MUC17: variants seen among roughly 807,000 people sequenced by gnomAD.
MUC17 encodes mucin-17.
In MUC17, 190 loss-of-function variants were observed where a neutral mutation model predicts 170.3. That is an observed-to-expected ratio of 1.12 (90% CI 0.99 to 1.26). The LOEUF (loss-of-function observed/expected upper bound fraction) is 1.26, where lower values mean the gene tolerates loss of function less well. Among genes scored for constraint, MUC17 ranks in the 50% most tolerant of loss-of-function variants. The pLI is 0.00. For synonymous variants in MUC17, 2,325 were observed against 2,002.5 expected (o/e 1.16, Z -4.30); for missense variants, 6,415 against 5,530.0 (o/e 1.16, Z -5.08).
chr7:101,023,413 T>A (rs12671641), intron 1 of MUC17, among the ~76,000 whole-genome samples: 1 of 151,802 alleles, frequency 6.6e-6, no homozygotes, highest in Non-Finnish European at 1.5e-5. Context: ...TTTTAAGACA[T>A]GGTCTCACTC....
chr7:101,023,967 G>A (rs1794138404), intron 1 of MUC17, among the ~76,000 whole-genome samples: 1 of 151,800 alleles, frequency 6.6e-6, no homozygotes, highest in South Asian at 2.1e-4. Flanking sequence ...GTTTCAATTT[G>A]CATCTCCCTG....
In MUC17 at chr7:101,052,998, G is replaced by A. The variant is rs146965923; in HGVS notation, c.13116G>A (p.Thr4372=). 48 of 1,612,992 alleles carry A rather than the reference G, an allele frequency of 3.0e-5. No individual in the cohort carries two copies. Among genetic ancestry groups the A allele is most frequent in the South Asian group, 1.4e-4 (13 of 90,924 alleles). Residue 4372 remains threonine, a synonymous_variant, in exon 10 of 13, where the codon ACG becomes ACA. Coordinates refer to ENST00000306151, the MANE Select transcript of MUC17 (RefSeq NM_001040105.2). ...TCTCCCATCTCAGCTGCGTGACCACGGAAACTCACTGGTACAGTGGGGAGA... is the reference window on the plus strand; with the variant it reads ...TCTCCCATCTCAGCTGCGTGACCACAGAAACTCACTGGTACAGTGGGGAGA... The part of the protein sequence containing the change: ...LSGPQCLCVT[T]ETHWYSGETC...
In MUC17 at chr7:101,049,309, C is replaced by T. The variant is rs1359914157; in HGVS notation, c.12664-15C>T. ...TGGTCCCTCTGGGATGACACAGTGGCCCCTTGCCTTTCAGATGAATATTGT... is the reference window on the plus strand; with the variant it reads ...TGGTCCCTCTGGGATGACACAGTGGTCCCTTGCCTTTCAGATGAATATTGT... On this transcript the variant is annotated splice_polypyrimidine_tract_variant and intron_variant, in intron 5 of 12. Transcript: ENST00000306151. 2 of 1,614,114 alleles carry T rather than the reference C, an allele frequency of 1.2e-6. No homozygotes were observed.
In MUC17 at chr7:101,035,307, C is replaced by T. The variant is rs749243974; in HGVS notation, c.3891C>T (p.Thr1297=). 7.5e-6 allele frequency: 12 copies of T among 1,610,386 alleles called. No individual in the cohort carries two copies. The South Asian group carries it at 9.9e-5, about 13-fold the overall frequency. The stretch of plus-strand genomic sequence containing the variant: ...TGGTGACCAGTCCTGAGGCTAGCAC[C>T]CTTTTAACAACTCCTGTTGACACTA... ...TTLVTSPEAS[T]LLTTPVDTKG... The change falls in exon 3 of 13, where the codon ACC becomes ACT. Residue 1297 remains threonine, a synonymous_variant. Transcript: ENST00000306151.
intron 1 of MUC17, among the ~76,000 whole-genome samples, chr7:101,023,531 C>T (rs956368478): frequency 3.3e-5 from 5 of 152,146 alleles, no homozygotes; most frequent in East Asian, 3.9e-4. Context: ...GGATTACAGG[C>T]GCCCACCACC....
In MUC17 at chr7:101,042,591, G is replaced by A. The variant is rs369171662; in HGVS notation, c.11175G>A (p.Val3725=). The A allele has an allele frequency of 2.4e-5, 38 of 1,614,018 alleles. No homozygotes were observed. The African/African-American group carries it at 2.5e-4, about 11-fold the overall frequency. ...CTTCTGTTGTCACCAGCACACCTGTGACCACTTCTACTGAAGCCATTTCAT... is the reference window on the plus strand; with the variant it reads ...CTTCTGTTGTCACCAGCACACCTGTAACCACTTCTACTGAAGCCATTTCAT... ...STPSVVTSTP[V]TTSTEAISSS... The change falls in exon 3 of 13, where the codon GTG becomes GTA. Residue 3725 remains valine (V), a synonymous_variant. Coordinates refer to ENST00000306151, the MANE Select transcript of MUC17 (RefSeq NM_001040105.2).
In MUC17 at chr7:101,037,274, C is replaced by A. The variant is rs1175965635; in HGVS notation, c.5858C>A (p.Thr1953Asn). The change falls in exon 3 of 13, where the codon ACC becomes AAC. Residue 1953 changes from threonine (T) to asparagine (N), a missense_variant. Coordinates refer to ENST00000306151, the MANE Select transcript of MUC17 (RefSeq NM_001040105.2). ...ACCCTTTCAACAACTCTTGCTGACA[C>A]CAGGACACCTGTGACCACTTATTCT... is the stretch of plus-strand genomic sequence containing the variant. ...INTLSTTLADTRTPVTTYSQA... is the reference protein window; with the variant it reads ...INTLSTTLADNRTPVTTYSQA... 2 of 1,611,992 alleles carry A rather than the reference C, an allele frequency of 1.2e-6. No homozygotes were observed. Among genetic ancestry groups the A allele is most frequent in the East Asian group, 4.5e-5 (2 of 44,826 alleles).
intron 11 of MUC17, 50 bp downstream of exon 11, chr7:101,053,486 G>T (rs370242446): frequency 6.8e-7 from 1 of 1,464,834 alleles, no homozygotes; most frequent in Non-Finnish European, 9.5e-7. Context: ...GTGGAAACAG[G>T]CTGGGTGCGG....
At chr7:101,023,380 A>G (rs1305392053) in intron 1 of MUC17, among the ~76,000 whole-genome samples, 2 of 152,038 alleles carry the variant, frequency 1.3e-5, no homozygotes, top group Non-Finnish European at 2.9e-5. Context: ...AATTAAAAAG[A>G]AATATTTTTG....
intron 9 of MUC17, 123 bp downstream of exon 9, chr7:101,052,085 G>A: frequency 8.6e-7 from 1 of 1,160,264 alleles, no homozygotes; most frequent in Non-Finnish European, 1.2e-6. Context: ...AGCGTCTCCT[G>A]AATGTGTCCA....
At position 101,040,938 on chromosome 7, in the gene MUC17, G is replaced by T. The variant is rs1458813216; in HGVS notation, c.9522G>T (p.Met3174Ile). The T allele has an allele frequency of 2.5e-6, 4 of 1,610,310 alleles. No homozygotes were observed. The highest frequency in any genetic ancestry group is 4.5e-5 in the East Asian group (2 of 44,630). ...TPLTYMPVSTMLVVSSEDSTL... is the reference protein window; with the variant it reads ...TPLTYMPVSTILVVSSEDSTL... ...TAACATATATGCCTGTCAGCACCAT[G>T]CTGGTAGTCAGTTCTGAGGATAGCA... Residue 3174 changes from methionine (M) to isoleucine (I), a missense_variant, in exon 3 of 13, where the codon ATG becomes ATT. Met to Ile is a conservative substitution (Grantham distance 10, BLOSUM62 1). Transcript: ENST00000306151.
Position 101,048,104 on chromosome 7 carries a change from G to C in MUC17, c.12524G>C (p.Ser4175Thr). The change falls in exon 4 of 13, where the codon AGC becomes ACC. Residue 4175 changes from serine to threonine, a missense_variant. Ser to Thr is a moderately conservative substitution (Grantham distance 58, BLOSUM62 1). Coordinates refer to ENST00000306151, the MANE Select transcript of MUC17 (RefSeq NM_001040105.2). ...GAGTTGTGTGAGGAGGTGGTCAGCAGCATTGACATAGGTGAGTGCAACCCC... is the reference window on the plus strand; with the variant it reads ...GAGTTGTGTGAGGAGGTGGTCAGCACCATTGACATAGGTGAGTGCAACCCC... Reference protein sequence around the residue: ...YGELCEEVVSSIDIGPPETIS... With the variant: ...YGELCEEVVSTIDIGPPETIS... 1 of 1,599,916 alleles carries C rather than the reference G, an allele frequency of 6.3e-7. No individual in the cohort carries two copies.
rs10259584 is a variant in MUC17 at position 101,032,231 on chromosome 7, G to A, written c.815G>A (p.Gly272Glu). 0.11 allele frequency: 182,511 copies of A among 1,613,710 alleles called. 11,658 individuals are homozygous for A. Among genetic ancestry groups the A allele is most frequent in the African/African-American group, 0.23 (17,309 of 74,880 alleles). ...GPSLSNSAPS[G>E]GSTPLTRMPL... ...AGCCTGTCAAACTCAGCTCCTAGTG[G>A]AGGAAGCACTCCATTAACAAGAATG... is the stretch of plus-strand genomic sequence containing the variant. Residue 272 changes from glycine to glutamate, a missense_variant, in exon 3 of 13, where the codon GGA (glycine) becomes GAA (glutamate). Transcript: ENST00000306151.
rs746855587 is a variant in MUC17, at chr7:101,033,970, G to C, written c.2554G>C (p.Gly852Arg). The C allele has an allele frequency of 1.9e-6, 3 of 1,603,052 alleles. No homozygotes were observed. The highest frequency in any genetic ancestry group is 2.7e-5 in the African/African-American group (2 of 74,170). Residue 852 changes from glycine (G) to arginine (R), a missense_variant, in exon 3 of 13, where the codon GGT becomes CGT. Coordinates refer to ENST00000306151, the MANE Select transcript of MUC17 (RefSeq NM_001040105.2). The stretch of plus-strand genomic sequence containing the variant: ...CAGTTCATCTCCTACACCTGCTGAA[G>C]GTACCAGCATGCCAACCTCAACTTA... Reference protein sequence around the residue: ...EVSSSPTPAEGTSMPTSTYSE... With the variant: ...EVSSSPTPAERTSMPTSTYSE...
chr7:101,043,763 ATAC>A lies in MUC17; in HGVS notation c.12351_12353del (p.Thr4118del), dbSNP rs758209033. On this transcript the variant is annotated inframe_deletion, in exon 3 of 13. Transcript: ENST00000306151. ...GTGACCACCACCGCTGTCCCCACGA[ATAC>A]TACAATTAAGAGCAACCCCACCTCA... 1.7e-5 allele frequency: 27 copies of A among 1,613,838 alleles called. No individual in the cohort carries two copies. The highest frequency in any genetic ancestry group is 5.0e-5 in the Admixed American group (3 of 59,976).
rs1794774256 is a variant in MUC17 at position 101,043,508 on chromosome 7, C to A, written c.12092C>A (p.Thr4031Asn). 1.2e-5 allele frequency: 19 copies of A among 1,614,122 alleles called. No individual in the cohort carries two copies. In the South Asian group the frequency reaches 2.0e-4, roughly 17 times the overall value. The part of the protein sequence containing the change: ...CTTSASTLSA[T>N]STPHTSTSVT... ...ACTTCTGCATCAACGCTTTCTGCAACCAGTACACCTCACACCTCTACTTCT... is the reference window on the plus strand; with the variant it reads ...ACTTCTGCATCAACGCTTTCTGCAAACAGTACACCTCACACCTCTACTTCT... The change falls in exon 3 of 13, where the codon ACC (threonine) becomes AAC (asparagine). Residue 4031 changes from threonine (T) to asparagine (N), a missense_variant. Transcript: ENST00000306151.
Position 101,032,863 on chromosome 7 carries a change from G to T in MUC17, c.1447G>T (p.Val483Leu). ...AACTCCTGTTGACTCCAAAACTCAG[G>T]TGACCACTTCTACTGAAGCCAGTTC... is the stretch of plus-strand genomic sequence containing the variant. ...STTPVDSKTQ[V>L]TTSTEASSSP... The change falls in exon 3 of 13, where the codon GTG becomes TTG. Residue 483 changes from valine to leucine, a missense_variant. Physicochemically the swap from Val to Leu is conservative, Grantham distance 32. Transcript: ENST00000306151. 6.2e-7 allele frequency: 1 copy of T among 1,613,680 alleles called. No individual in the cohort carries two copies. The highest frequency in any genetic ancestry group is 8.5e-7 in the Non-Finnish European group (1 of 1,179,862).
In MUC17 at chr7:101,058,016, G is replaced by A. The variant is rs992707439; in HGVS notation, c.13454G>A (p.Arg4485Lys). ...IDPETKIRIQRPQVMTTSF is the reference protein window; with the variant it reads ...IDPETKIRIQKPQVMTTSF ...CTCTCTTTTCAGATCCGAATTCAGA[G>A]GCCTCAGGTAATGACGACATCATTT... Residue 4485 changes from arginine to lysine, a missense_variant, in exon 13 of 13, where the codon AGG becomes AAG. Physicochemically the swap from Arg to Lys is conservative, Grantham distance 26 (BLOSUM62 2). Coordinates refer to ENST00000306151, the MANE Select transcript of MUC17 (RefSeq NM_001040105.2). 4.3e-6 allele frequency: 7 copies of A among 1,613,930 alleles called. No individual in the cohort carries two copies. Among genetic ancestry groups the A allele is most frequent in the Non-Finnish European group, 5.1e-6 (6 of 1,179,852 alleles).
chr7:101,042,592 A>T lies in MUC17; in HGVS notation c.11176A>T (p.Thr3726Ser). The change falls in exon 3 of 13, where the codon ACC (threonine) becomes TCC (serine). Residue 3726 changes from threonine to serine, a missense_variant. Physicochemically the swap from Thr to Ser is moderately conservative, Grantham distance 58 (BLOSUM62 1). Transcript: ENST00000306151. ...TPSVVTSTPV[T>S]TSTEAISSSA... ...TTCTGTTGTCACCAGCACACCTGTG[A>T]CCACTTCTACTGAAGCCATTTCATC... 3 of 1,614,086 alleles carry T rather than the reference A, an allele frequency of 1.9e-6. No homozygotes were observed. The highest frequency in any genetic ancestry group is 2.5e-6 in the Non-Finnish European group (3 of 1,180,010).
Sources: allele counts gnomAD v4.1 joint callset (sites outside exome capture counted in the v4.1 genomes callset), GRCh38; gene constraint gnomAD v4.1.1; transcripts MANE v1.5; gene names NCBI Gene and HGNC (gene_info 2026-07-23, HGNC 2026-07-21).